Variants in TMEM164 observed in about 807,000 individuals in gnomAD.
The protein encoded by TMEM164 is RP13-360B22.2.
Under a neutral mutation model 18.8 loss-of-function variants are expected in TMEM164, and 4 were observed. That is an observed-to-expected ratio of 0.21 (90% CI 0.10 to 0.49). The LOEUF is 0.49. Ranked by LOEUF, TMEM164 falls within the 20% of genes least tolerant of loss-of-function variation. The probability of loss-of-function intolerance (pLI) is 0.98; values close to 1 mark genes in which losing one functional copy is unlikely to be tolerated. For synonymous variants in TMEM164, 86 were observed against 101.7 expected (o/e 0.85, Z 0.93); for missense variants, 108 against 239.9 (o/e 0.45, Z 3.63).
intron 5 of TMEM164, among the ~76,000 whole-genome samples, chrX:110,163,700 C>T (rs2067123155): frequency 8.9e-6 from 1 of 112,099 alleles, no homozygotes; most frequent in African/African-American, 3.2e-5. Context: ...GGACTTAATC[C>T]AGTAGAGAGG....
At chrX:110,124,172 A>AGGCAGGC (rs1556011961) in intron 4 of TMEM164, among the ~76,000 whole-genome samples, 23 of 83,986 alleles carry the variant, frequency 2.7e-4, no homozygotes, top group African/African-American at 1.2e-3. Context: ...GGAAGGAAGG[A>AGGCAGGC]AGGAAGGCAG....
At chrX:110,139,209 A>G (rs1417540315) in intron 4 of TMEM164, among the ~76,000 whole-genome samples, 2 of 112,309 alleles carry the variant, frequency 1.8e-5, no homozygotes, top group African/African-American at 6.5e-5. Context: ...CTGGTATGAC[A>G]TTCTTGAGTA....
At chrX:110,096,155 G>C (rs1216533913) in intron 3 of TMEM164, among the ~76,000 whole-genome samples, 1 of 112,546 alleles carries the variant, frequency 8.9e-6, no homozygotes, top group Non-Finnish European at 1.9e-5. Flanking sequence ...TGAGGAGGCA[G>C]TCTGTCCGTT....
intron 4 of TMEM164, among the ~76,000 whole-genome samples, chrX:110,132,685 A>G (rs1031826950): frequency 8.9e-6 from 1 of 111,905 alleles, no homozygotes; most frequent in African/African-American, 3.3e-5. Context: ...CTGTAGTTAC[A>G]ATTTCACTGT....
chrX:110,118,192 C>T (rs2066399990), intron 4 of TMEM164, among the ~76,000 whole-genome samples: 1 of 112,595 alleles, frequency 8.9e-6, no homozygotes, highest in Non-Finnish European at 1.9e-5. Context: ...TGATTACAGG[C>T]GTAAGCCACC....
chrX:110,095,767 T>A (rs1336061283), intron 3 of TMEM164, among the ~76,000 whole-genome samples: 1 of 112,406 alleles, frequency 8.9e-6, no homozygotes, highest in South Asian at 3.6e-4. Context: ...GGCGCTCTGA[T>A]GTTTGGAATT....
chrX:110,115,905 C>T (rs898557901), intron 4 of TMEM164, among the ~76,000 whole-genome samples: 1 of 111,061 alleles, frequency 9.0e-6, no homozygotes, highest in Non-Finnish European at 1.9e-5. Context: ...GCCTGAGCAA[C>T]ATATAAGACC....
chrX:110,015,653 T>G (rs1179951192), intron 2 of TMEM164, among the ~76,000 whole-genome samples: 1 of 110,861 alleles, frequency 9.0e-6, no homozygotes, highest in Non-Finnish European at 1.9e-5. Context: ...TGCCTCATTA[T>G]CAGCAGCGCT....
intron 2 of TMEM164, among the ~76,000 whole-genome samples, chrX:110,013,886 C>G (rs1406862694): frequency 4.5e-5 from 5 of 111,568 alleles, no homozygotes. Context: ...CTTAACATTT[C>G]AAGATCATAG....
chrX:110,148,667 C>T (rs1004718647), intron 5 of TMEM164, among the ~76,000 whole-genome samples: 4 of 104,532 alleles, frequency 3.8e-5, no homozygotes, highest in Non-Finnish European at 5.8e-5. Context: ...TACTACCACA[C>T]CCGGCTCATT....
At chrX:110,046,269 C>G in intron 2 of TMEM164, 1 of 754,667 alleles carries the variant, frequency 1.3e-6, no homozygotes, top group Non-Finnish European at 1.6e-6. Context: ...TCATTTATCA[C>G]TTCACAGCTC....
At chrX:110,152,943 C>T (rs749701659) in intron 5 of TMEM164, among the ~76,000 whole-genome samples, 82 of 111,537 alleles carry the variant, frequency 7.4e-4, no homozygotes, top group Non-Finnish European at 1.3e-3. Context: ...GACCGTATGA[C>T]CTGATACCCA....
At chrX:110,046,784 T>C (rs903369617) in intron 2 of TMEM164, among the ~76,000 whole-genome samples, 2 of 112,443 alleles carry the variant, frequency 1.8e-5, no homozygotes, top group African/African-American at 6.5e-5. Flanking sequence ...GTTGGGCCAC[T>C]AGCAACCATT....
chrX:110,045,335 G>A lies in TMEM164; in HGVS notation c.391-22012G>A, dbSNP rs779483288. Among the ~76,000 whole-genome samples the A allele has an allele frequency of 2.7e-5, 3 of 112,018 alleles. No homozygotes were observed. The South Asian group carries it at 1.1e-3, about 42-fold the overall frequency. ...GAAGTTAATTTAATGGGGGTAAAGGGGGCTAAGTTTTTAGGGTTGGGGTCA... is the reference window on the plus strand; with the variant it reads ...GAAGTTAATTTAATGGGGGTAAAGGAGGCTAAGTTTTTAGGGTTGGGGTCA... On this transcript the variant is annotated intron_variant, in intron 2 of 6. Coordinates refer to ENST00000372068, the MANE Select transcript of TMEM164 (RefSeq NM_032227.4).
chrX:110,024,165 G>A (rs1416037936), intron 2 of TMEM164, among the ~76,000 whole-genome samples: 2 of 112,742 alleles, frequency 1.8e-5, no homozygotes, highest in East Asian at 5.5e-4. Flanking sequence ...GGATGGGTTA[G>A]TTAGCCAGTT....
chrX:110,130,725 G>A (rs1337747923), intron 4 of TMEM164, among the ~76,000 whole-genome samples: 4 of 107,314 alleles, frequency 3.7e-5, no homozygotes, highest in Non-Finnish European at 7.7e-5. Flanking sequence ...ACAGGATGCT[G>A]GGCCCCATCC....
chrX:110,086,961 C>G (rs1444490642), intron 3 of TMEM164, among the ~76,000 whole-genome samples: 2 of 111,512 alleles, frequency 1.8e-5, no homozygotes, highest in African/African-American at 3.3e-5. Flanking sequence ...TGGAGATACA[C>G]AAGAGTTCAC....
rs145975167 is a variant in TMEM164 at position 110,093,179 on chromosome X, G to A, written c.441-15901G>A. 9.2e-3 allele frequency among the ~76,000 whole-genome samples: 1,025 copies of A among 111,444 alleles called. 11 individuals are homozygous for A. Among genetic ancestry groups the A allele is most frequent in the African/African-American group, 0.031 (958 of 30,668 alleles). Reference sequence around the variant, plus strand: ...TATTGGTCTAAAATTCTCTTTTTTTGTTGTGTCTCTGCCAGGCTTTGGTAT... The same window carrying A: ...TATTGGTCTAAAATTCTCTTTTTTTATTGTGTCTCTGCCAGGCTTTGGTAT... On this transcript the variant is annotated intron_variant, in intron 3 of 6. Transcript: ENST00000372068.
chrX:110,053,680 C>T (rs990932863), intron 2 of TMEM164, among the ~76,000 whole-genome samples: 1 of 111,476 alleles, frequency 9.0e-6, no homozygotes, highest in African/African-American at 3.3e-5. Context: ...TCCATCCCTC[C>T]CATGGGTTGG....
Sources: gnomAD v4.1 joint callset for allele counts (sites outside exome capture counted in the v4.1 genomes callset) on GRCh38, gnomAD v4.1.1 for gene constraint, MANE v1.5 for transcripts, NCBI Gene and HGNC (gene_info 2026-07-23, HGNC 2026-07-21) for gene names.